Variants in ZSCAN23 observed in about 807,000 individuals in gnomAD.
The protein encoded by ZSCAN23 is zinc finger and SCAN domain-containing protein 23.
ZSCAN23 carries 19 observed loss-of-function variants against 19.3 expected under a neutral mutation model. The observed-to-expected ratio is 0.99, with a 90% confidence interval of 0.69 to 1.45. The LOEUF is 1.45. ZSCAN23 is among the 40% of genes most tolerant of loss of function. The pLI, the probability that ZSCAN23 is intolerant of heterozygous loss-of-function variation, is 0.00. For synonymous variants in ZSCAN23, 140 were observed against 166.2 expected (o/e 0.84, Z 1.21); for missense variants, 372 against 462.5 (o/e 0.80, Z 1.79).
downstream of ZSCAN23, among the ~76,000 whole-genome samples, chr6:28,427,215 A>G (rs913395308): frequency 3.3e-5 from 5 of 152,206 alleles, no homozygotes; most frequent in African/African-American, 1.2e-4. Flanking sequence ...GTATTTTTCA[A>G]TCCTTTTCCT....
In ZSCAN23 at chr6:28,436,318, A is replaced by T; in HGVS notation, c.-52T>A. 7.3e-7 allele frequency: 1 copy of T among 1,361,128 alleles called. No homozygotes were observed. The highest frequency in any genetic ancestry group is 2.8e-5 in the East Asian group (1 of 36,148). The allele number at this position is 1,361,128 out of a possible 1,614,324, so 84.3% of individuals were successfully genotyped here. On this transcript the variant is annotated 5_prime_UTR_variant, in exon 2 of 4. Transcript: ENST00000289788. ...ATCTATTCTTGATAATTCTCCCTTGATCTTTTCTTCTGGAAACCCCGAGAT... is the reference window on the plus strand; with the variant it reads ...ATCTATTCTTGATAATTCTCCCTTGTTCTTTTCTTCTGGAAACCCCGAGAT...
rs186250357 is a variant in ZSCAN23, at chr6:28,440,822, G to C, written c.-78+2577C>G. Among the ~76,000 whole-genome samples the C allele has an allele frequency of 2.0e-3, 302 of 152,152 alleles. 1 individual carries two copies. The highest frequency in any genetic ancestry group is 6.4e-3 in the African/African-American group (265 of 41,492). ...TTTCCCTATTTTCTCTGTATACTCT[G>C]GGTTCATTTTTGCTTTCCTTCACCT... On this transcript the variant is annotated intron_variant, in intron 1 of 3. Coordinates refer to ENST00000289788, the MANE Select transcript of ZSCAN23 (RefSeq NM_001012455.2).
chr6:28,423,231 C>G, the ZSCAN23 span, among the ~76,000 whole-genome samples: 1 of 152,134 alleles, frequency 6.6e-6, no homozygotes, highest in South Asian at 2.1e-4. Flanking sequence ...ACAGGGCCTA[C>G]AAGTTAAAAA....
In ZSCAN23 at chr6:28,435,933, G is replaced by A. The variant is rs747447274; in HGVS notation, c.334C>T (p.Arg112Cys). Residue 112 changes from arginine (R) to cysteine (C), a missense_variant, in exon 2 of 4, where the codon CGT becomes TGT. Arg to Cys is a radical substitution (Grantham distance 180, BLOSUM62 -3). Coordinates refer to ENST00000289788, the MANE Select transcript of ZSCAN23 (RefSeq NM_001012455.2). ...EELQAWVRQH[R>C]PVSGEEAVTV... ...ACTGCCTCCTCTCCACTCACAGGAC[G>A]GTGCTGTCTGACCCAGGCCTGGAGC... 1.1e-5 allele frequency: 18 copies of A among 1,613,994 alleles called. No individual in the cohort carries two copies. The highest frequency in any genetic ancestry group is 4.0e-5 in the African/African-American group (3 of 74,902).
intron 1 of ZSCAN23, among the ~76,000 whole-genome samples, chr6:28,436,626 A>G (rs1761894455): frequency 6.6e-6 from 1 of 152,226 alleles, no homozygotes; most frequent in South Asian, 2.1e-4. Flanking sequence ...TTGAATAGCA[A>G]GATACTAAAT....
downstream of ZSCAN23, among the ~76,000 whole-genome samples, chr6:28,427,949 C>T (rs187799435): frequency 4.7e-4 from 72 of 152,198 alleles, no homozygotes; most frequent in African/African-American, 1.6e-3. Context: ...TGTGATGGCG[C>T]GTGCCTGTAA....
At chr6:28,431,822 T>C (rs1472835927), downstream of ZSCAN23, 1 of 152,340 alleles carries the variant, frequency 6.6e-6, no homozygotes, top group East Asian at 1.9e-4. Flanking sequence ...TAATAATTAT[T>C]ATGAAGATGA....
chr6:28,434,718 T>C lies in ZSCAN23; in HGVS notation c.917A>G (p.Gln306Arg). The C allele has an allele frequency of 6.3e-7, 1 of 1,596,920 alleles. No individual in the cohort carries two copies. The highest frequency in any genetic ancestry group is 8.5e-7 in the Non-Finnish European group (1 of 1,171,466). Residue 306 changes from glutamine to arginine, a missense_variant, in exon 4 of 4, where the codon CAG becomes CGG. Transcript: ENST00000289788. ...QRLHTGEKRY[Q>R]CSVCGKAFSQ... ...GAAGGCTTTGCCACAAACACTGCAC[T>C]GGTAGCGCTTCTCCCCAGTGTGGAG...
chr6:28,436,068 G>A lies in ZSCAN23; in HGVS notation c.199C>T (p.Gln67Ter). 1 of 1,614,210 alleles carries A rather than the reference G, an allele frequency of 6.2e-7. No individual in the cohort carries two copies. The highest frequency in any genetic ancestry group is 8.5e-7 in the Non-Finnish European group (1 of 1,180,034). Residue 67 changes from glutamine to a stop codon, truncating the protein, a stop_gained, in exon 2 of 4, where the codon CAA (glutamine) becomes TAA (stop). Transcript: ENST00000289788. LOFTEE classifies it high-confidence loss of function. ...QESPGPREAL[Q>*]RLQELCHQWL... ...TGATGGCAGAGCTCCTGGAGTCTTT[G>A]AAGAGCCTCCCGGGGCCCAGGGGAC...
intron 3 of ZSCAN23, 109 bp from the exon 4 acceptor site, chr6:28,435,187 G>T (rs1041164244): frequency 7.9e-7 from 1 of 1,272,098 alleles, no homozygotes; most frequent in Non-Finnish European, 1.1e-6. Context: ...AAGGGGACAA[G>T]TAGCCACTTT....
downstream of ZSCAN23, among the ~76,000 whole-genome samples, chr6:28,429,809 C>T (rs950512868): frequency 2.0e-5 from 3 of 152,208 alleles, no homozygotes; most frequent in African/African-American, 4.8e-5. Context: ...ACCGTTATCT[C>T]TGGATCGCTG....
In ZSCAN23 at chr6:28,434,461, G is replaced by A; in HGVS notation, c.*4C>T. The A allele has an allele frequency of 1.3e-6, 2 of 1,531,318 alleles. No homozygotes were observed. Among genetic ancestry groups the A allele is most frequent in the Non-Finnish European group, 1.8e-6 (2 of 1,134,966 alleles). 94.9% of individuals were successfully genotyped at this position (1,531,318 alleles called of 1,614,324 possible). On this transcript the variant is annotated 3_prime_UTR_variant, in exon 4 of 4. Coordinates refer to ENST00000289788, the MANE Select transcript of ZSCAN23 (RefSeq NM_001012455.2). ...AAATATTATCCCCTACCTGTTCCAAGGAGCTAGCTTGATTCAGCCACTGGG... is the reference window on the plus strand; with the variant it reads ...AAATATTATCCCCTACCTGTTCCAAAGAGCTAGCTTGATTCAGCCACTGGG...
intron 1 of ZSCAN23, among the ~76,000 whole-genome samples, chr6:28,439,715 A>C (rs1329107763): frequency 1.3e-5 from 2 of 152,216 alleles, no homozygotes; most frequent in Admixed American, 1.3e-4. Context: ...ACAACCATGA[A>C]TAAGGTGCTA....
the ZSCAN23 span, among the ~76,000 whole-genome samples, chr6:28,424,149 T>G: frequency 6.6e-6 from 1 of 152,206 alleles, no homozygotes; most frequent in Non-Finnish European, 1.5e-5. Flanking sequence ...AAAGCAAATA[T>G]TGCAATAAAG....
downstream of ZSCAN23, among the ~76,000 whole-genome samples, chr6:28,429,122 G>A (rs1030649085): frequency 9.2e-5 from 14 of 152,234 alleles, no homozygotes; most frequent in African/African-American, 3.1e-4. Context: ...AGTCCACAGA[G>A]ACAGCTCTGC....
At chr6:28,437,962 G>C (rs1761926514) in intron 1 of ZSCAN23, among the ~76,000 whole-genome samples, 1 of 151,730 alleles carries the variant, frequency 6.6e-6, no homozygotes, top group African/African-American at 2.4e-5. Flanking sequence ...TATGTGGTGG[G>C]TTGTGACACA....
chr6:28,441,602 C>G (rs956606565), intron 1 of ZSCAN23, among the ~76,000 whole-genome samples: 1 of 152,066 alleles, frequency 6.6e-6, no homozygotes, highest in Non-Finnish European at 1.5e-5. Flanking sequence ...CACCCTCAGT[C>G]ACAATTTATC....
chr6:28,432,065 T>C (rs1761770320), downstream of ZSCAN23: 2 of 152,194 alleles, frequency 1.3e-5, no homozygotes, highest in South Asian at 2.1e-4. Flanking sequence ...TGAAACCATA[T>C]ATAATTCACA....
At chr6:28,430,246 G>A (rs150579572), downstream of ZSCAN23, among the ~76,000 whole-genome samples, 324 of 152,126 alleles carry the variant, frequency 2.1e-3, 1 homozygote, top group Non-Finnish European at 3.8e-3. Context: ...CGGCCCCAAC[G>A]AGCACCTTAG....
Sources: gnomAD v4.1 joint callset for allele counts (sites outside exome capture counted in the v4.1 genomes callset) on GRCh38, gnomAD v4.1.1 for gene constraint, MANE v1.5 for transcripts, NCBI Gene and HGNC (gene_info 2026-07-23, HGNC 2026-07-21) for gene names.